DLGAP1: variants seen among roughly 807,000 people sequenced by gnomAD.
The protein encoded by DLGAP1 is DLG associated protein 1, also known as disks large-associated protein 1.
In DLGAP1, 11 loss-of-function variants were observed where a neutral mutation model predicts 90.8. That is an observed-to-expected ratio of 0.12 (90% CI 0.08 to 0.20). The LOEUF is 0.20. DLGAP1 is among the 10% of genes least tolerant of loss of function. The pLI is 1.00. For missense variants in DLGAP1, 1,050 were observed against 1,333.8 expected, an observed-to-expected ratio of 0.79 and a Z score of 3.31; for synonymous variants, 558 against 540.7, an observed-to-expected ratio of 1.03 and a Z score of -0.44.
At chr18:4,188,352 T>C (rs576881247) in intron 1 of DLGAP1, among the ~76,000 whole-genome samples, 1 of 152,282 alleles carries the variant, frequency 6.6e-6, no homozygotes, top group South Asian at 2.1e-4. Context: ...GTGCAGAATG[T>C]GCAGGTTTGT....
intron 9 of DLGAP1, among the ~76,000 whole-genome samples, chr18:3,559,624 CT>C (rs34093132): frequency 0.014 from 1,835 of 129,844 alleles, 20 homozygotes; most frequent in African/African-American, 0.045. Context: ...ATCCAATCCA[CT>C]TTTTTTTTTT....
chr18:4,161,697 T>G (rs1447436745), intron 1 of DLGAP1, among the ~76,000 whole-genome samples: 3 of 152,206 alleles, frequency 2.0e-5, no homozygotes, highest in African/African-American at 7.2e-5. Flanking sequence ...CTTCCGAGCC[T>G]GTGTATGCCA....
intron 3 of DLGAP1, among the ~76,000 whole-genome samples, chr18:4,002,608 T>G (rs1379222823): frequency 6.6e-6 from 1 of 152,220 alleles, no homozygotes; most frequent in Non-Finnish European, 1.5e-5. Flanking sequence ...ATATTACATA[T>G]AACATACAAC....
At chr18:4,341,980 G>C in intron 1 of DLGAP1, among the ~76,000 whole-genome samples, 1 of 151,758 alleles carries the variant, frequency 6.6e-6, no homozygotes, top group East Asian at 1.9e-4. Context: ...TGAATTCCTT[G>C]AATCTCATTT....
At chr18:3,566,785 T>C (rs967502937) in intron 9 of DLGAP1, among the ~76,000 whole-genome samples, 1 of 152,196 alleles carries the variant, frequency 6.6e-6, no homozygotes, top group Non-Finnish European at 1.5e-5. Flanking sequence ...ATATTTAGTA[T>C]GTGCAAATCA....
At chr18:3,856,581 G>A (rs2069655676) in intron 4 of DLGAP1, among the ~76,000 whole-genome samples, 1 of 152,136 alleles carries the variant, frequency 6.6e-6, no homozygotes, top group African/African-American at 2.4e-5. Flanking sequence ...AGAAATACAG[G>A]CCAGACGCGG....
chr18:4,229,917 T>C, intron 1 of DLGAP1, among the ~76,000 whole-genome samples: 1 of 151,938 alleles, frequency 6.6e-6, no homozygotes, highest in Non-Finnish European at 1.5e-5. Context: ...CCAGAATATA[T>C]AAGGAGCTCA....
intron 1 of DLGAP1, among the ~76,000 whole-genome samples, chr18:4,453,495 T>C (rs564831058): frequency 7.7e-4 from 117 of 152,276 alleles, no homozygotes; most frequent in Non-Finnish European, 1.4e-3. Context: ...CAATAGAAAG[T>C]CGTTTCCTGA....
chr18:3,561,266 C>CAAAAAAAAAAAAAA (rs71159092), intron 9 of DLGAP1, among the ~76,000 whole-genome samples: 10 of 110,448 alleles, frequency 9.1e-5, no homozygotes, highest in South Asian at 2.9e-4. Flanking sequence ...AAAAAAAAAA[C>CAAAAAAAAAAAAAA]AAAAAAAAAA....
chr18:3,699,173 T>C (rs562990886), intron 7 of DLGAP1, among the ~76,000 whole-genome samples: 8 of 152,172 alleles, frequency 5.3e-5, no homozygotes, highest in Middle Eastern at 3.4e-3. Context: ...CTCCATCCAG[T>C]TTTGTTCCCT....
chr18:3,970,565 C>T (rs1474285872), intron 3 of DLGAP1, among the ~76,000 whole-genome samples: 1 of 151,942 alleles, frequency 6.6e-6, no homozygotes, highest in Non-Finnish European at 1.5e-5. Flanking sequence ...AAATGTTGGC[C>T]TCATCAAGAA....
chr18:3,572,309 G>T (rs2054854577), intron 8 of DLGAP1, among the ~76,000 whole-genome samples: 1 of 151,702 alleles, frequency 6.6e-6, no homozygotes, highest in African/African-American at 2.4e-5. Context: ...TTGTGTCTTG[G>T]CCAGTAAAGG....
intron 3 of DLGAP1, among the ~76,000 whole-genome samples, chr18:3,963,640 T>C (rs936496821): frequency 1.3e-5 from 2 of 151,672 alleles, no homozygotes; most frequent in African/African-American, 4.8e-5. Context: ...ACATTTGCCT[T>C]CTGGTTCTCT....
At chr18:3,969,779 G>A (rs2073405801) in intron 3 of DLGAP1, among the ~76,000 whole-genome samples, 1 of 152,136 alleles carries the variant, frequency 6.6e-6, no homozygotes, top group African/African-American at 2.4e-5. Context: ...TTCTATGTCT[G>A]TCAGCTTGCA....
At chr18:4,040,382 A>C (rs990227066) in intron 2 of DLGAP1, among the ~76,000 whole-genome samples, 8 of 152,360 alleles carry the variant, frequency 5.3e-5, no homozygotes, top group African/African-American at 1.9e-4. Flanking sequence ...ATTGTTGATG[A>C]AACTTATAAT....
chr18:4,258,552 G>A (rs1404437218), intron 1 of DLGAP1, among the ~76,000 whole-genome samples: 1 of 151,904 alleles, frequency 6.6e-6, no homozygotes, highest in Non-Finnish European at 1.5e-5. Context: ...TGATATAATT[G>A]TGAACATTTT....
At chr18:4,299,823 T>A (rs370050786) in intron 1 of DLGAP1, among the ~76,000 whole-genome samples, 27 of 152,270 alleles carry the variant, frequency 1.8e-4, no homozygotes, top group African/African-American at 6.3e-4. Context: ...TACAGTATGA[T>A]GTATAAAAGT....
intron 4 of DLGAP1, among the ~76,000 whole-genome samples, chr18:3,867,573 C>T (rs777528198): frequency 2.0e-5 from 3 of 152,118 alleles, no homozygotes; most frequent in Non-Finnish European, 4.4e-5. Flanking sequence ...TCCTGCCTAG[C>T]ATGGGCACAG....
chr18:4,412,461 C>A (rs2082800325), intron 1 of DLGAP1, among the ~76,000 whole-genome samples: 1 of 152,204 alleles, frequency 6.6e-6, no homozygotes, highest in Non-Finnish European at 1.5e-5. Context: ...ACAACATAAT[C>A]CAGCTGGATA....
Sources: allele counts gnomAD v4.1 joint callset (sites outside exome capture counted in the v4.1 genomes callset), GRCh38; gene constraint gnomAD v4.1.1; transcripts MANE v1.5; gene names NCBI Gene and HGNC (gene_info 2026-07-23, HGNC 2026-07-21).